Variants in CA10 observed in about 807,000 individuals in gnomAD.
The protein encoded by CA10 is carbonic anhydrase-related protein 10.
Under a neutral mutation model 44.2 loss-of-function variants are expected in CA10, and 14 were observed. The observed-to-expected ratio is 0.32, with a 90% CI of 0.21 to 0.50. The LOEUF is 0.50. CA10 is among the 20% of genes least tolerant of loss of function. The pLI is 0.99. For synonymous variants in CA10, 159 were observed against 141.6 expected, an observed-to-expected ratio of 1.12 and a Z score of -0.87; for missense variants, 350 against 409.7, an observed-to-expected ratio of 0.85 and a Z score of 1.26.
At chr17:52,025,476 A>T (rs1456612433) in intron 2 of CA10, among the ~76,000 whole-genome samples, 13 of 152,132 alleles carry the variant, frequency 8.5e-5, no homozygotes, top group Admixed American at 8.5e-4. Flanking sequence ...CACATTCCTC[A>T]TTGTGGCTCT....
intron 3 of CA10, among the ~76,000 whole-genome samples, chr17:51,856,331 A>G (rs2143832568): frequency 6.6e-6 from 1 of 151,434 alleles, no homozygotes; most frequent in South Asian, 2.1e-4. Context: ...GGTCATCCAC[A>G]TGAAAACTGG....
chr17:51,639,478 G>A (rs1912985809), intron 6 of CA10, among the ~76,000 whole-genome samples: 2 of 152,026 alleles, frequency 1.3e-5, no homozygotes, highest in African/African-American at 4.8e-5. Flanking sequence ...AAGAGTCAAA[G>A]GTTATGCTCA....
rs139696269 is a variant in CA10, at chr17:51,912,955, T to A, written c.279+18035A>T. ...TAGCCTTCTGCAGGCAGTTCACTTG[T>A]CTGTGCTAAGAATCTATCCTTCAGT... On this transcript the variant is annotated intron_variant, in intron 3 of 8. Transcript: ENST00000451037. 1.4e-4 allele frequency among the ~76,000 whole-genome samples: 21 copies of A among 152,306 alleles called. No homozygotes were observed. The East Asian group carries it at 4.1e-3, about 29-fold the overall frequency.
intron 4 of CA10, among the ~76,000 whole-genome samples, chr17:51,722,319 A>C (rs1040735059): frequency 6.6e-6 from 1 of 152,022 alleles, no homozygotes; most frequent in African/African-American, 2.4e-5. Context: ...AGCCACTTCA[A>C]TGATCTGGCC....
intron 3 of CA10, among the ~76,000 whole-genome samples, chr17:51,792,590 G>A (rs993765528): frequency 3.9e-5 from 6 of 152,166 alleles, no homozygotes; most frequent in Non-Finnish European, 8.8e-5. Flanking sequence ...CTAGCATGCT[G>A]TTAATTGTTT....
At chr17:51,689,070 A>G (rs763020809) in intron 4 of CA10, among the ~76,000 whole-genome samples, 1 of 152,194 alleles carries the variant, frequency 6.6e-6, no homozygotes, top group Non-Finnish European at 1.5e-5. Context: ...TTCAGCTCCC[A>G]ATGTGGTGCT....
chr17:51,815,110 C>T (rs111637663), intron 3 of CA10, among the ~76,000 whole-genome samples: 2 of 151,928 alleles, frequency 1.3e-5, no homozygotes, highest in Non-Finnish European at 2.9e-5. Context: ...GCTCCACCCC[C>T]GCCTCCTGCC....
intron 3 of CA10, among the ~76,000 whole-genome samples, chr17:51,797,731 G>A (rs1295469632): frequency 6.6e-6 from 1 of 151,234 alleles, no homozygotes; most frequent in African/African-American, 2.4e-5. Context: ...GCATGCGCCT[G>A]TAATCCCAGC....
chr17:51,731,853 T>G (rs558165019), intron 4 of CA10, among the ~76,000 whole-genome samples: 1 of 152,018 alleles, frequency 6.6e-6, no homozygotes, highest in African/African-American at 2.4e-5. Flanking sequence ...AATTGTATTT[T>G]TAGTAGAGAC....
chr17:51,731,561 T>C (rs1173593756), intron 4 of CA10, among the ~76,000 whole-genome samples: 3 of 150,126 alleles, frequency 2.0e-5, no homozygotes, highest in African/African-American at 7.4e-5. Flanking sequence ...ATTCTGTCCC[T>C]ATGTTAGACC....
At chr17:51,967,535 G>T (rs1055397950) in intron 2 of CA10, among the ~76,000 whole-genome samples, 1 of 151,688 alleles carries the variant, frequency 6.6e-6, no homozygotes, top group South Asian at 2.1e-4. Flanking sequence ...CATGTCCTCT[G>T]CAGTAACATA....
intron 2 of CA10, among the ~76,000 whole-genome samples, chr17:51,944,129 T>G (rs1232543189): frequency 6.6e-6 from 1 of 152,182 alleles, no homozygotes; most frequent in Non-Finnish European, 1.5e-5. Flanking sequence ...ATGGCAGACA[T>G]GAATAGTTCT....
intron 3 of CA10, among the ~76,000 whole-genome samples, chr17:51,873,441 C>T (rs2143866138): frequency 6.6e-6 from 1 of 152,320 alleles, no homozygotes; most frequent in South Asian, 2.1e-4. Context: ...ATCGTTCTAT[C>T]ATCCTGATCT....
At chr17:51,825,757 G>C (rs931677112) in intron 3 of CA10, among the ~76,000 whole-genome samples, 2 of 152,070 alleles carry the variant, frequency 1.3e-5, no homozygotes, top group African/African-American at 4.8e-5. Flanking sequence ...CTTTTCTAAG[G>C]CTCAGATAAA....
At chr17:51,696,974 C>T (rs766461033) in intron 4 of CA10, among the ~76,000 whole-genome samples, 6 of 151,718 alleles carry the variant, frequency 4.0e-5, no homozygotes, top group Admixed American at 2.0e-4. Flanking sequence ...ACATCTGTGT[C>T]TATGTGTTTT....
chr17:51,882,066 CAAAAA>C (rs57495108), intron 3 of CA10, among the ~76,000 whole-genome samples: 5 of 82,132 alleles, frequency 6.1e-5, no homozygotes, highest in Non-Finnish European at 1.4e-4. Flanking sequence ...GCAGTGGCAA[CAAAAA>C]AAAAAAAAAA....
At chr17:52,132,654 C>T (rs1403750682) in intron 1 of CA10, among the ~76,000 whole-genome samples, 1 of 152,176 alleles carries the variant, frequency 6.6e-6, no homozygotes, top group Non-Finnish European at 1.5e-5. Flanking sequence ...CAGGCTCTGG[C>T]CATCTGAGCA....
intron 3 of CA10, among the ~76,000 whole-genome samples, chr17:51,760,850 A>G (rs1454056241): frequency 6.6e-6 from 1 of 152,264 alleles, no homozygotes; most frequent in Non-Finnish European, 1.5e-5. Flanking sequence ...AGTTTATTTC[A>G]TGTAACCCAA....
chr17:51,950,256 C>T (rs1230118987), intron 2 of CA10, among the ~76,000 whole-genome samples: 7 of 152,082 alleles, frequency 4.6e-5, no homozygotes, highest in Non-Finnish European at 1.5e-5. Flanking sequence ...TACCTCTGAC[C>T]CTCTGTCTCC....
Sources: gnomAD v4.1 joint callset for allele counts (sites outside exome capture counted in the v4.1 genomes callset) on GRCh38, gnomAD v4.1.1 for gene constraint, MANE v1.5 for transcripts, NCBI Gene and HGNC (gene_info 2026-07-23, HGNC 2026-07-21) for gene names.